Variants in HNF4A observed in about 807,000 individuals in gnomAD.
The protein encoded by HNF4A is hepatocyte nuclear factor 4 alpha.
In HNF4A, 15 loss-of-function variants were observed where a neutral mutation model predicts 52.4. That is an observed-to-expected ratio of 0.29 (90% confidence interval 0.19 to 0.44). HNF4A has a LOEUF of 0.44. Ranked by LOEUF, HNF4A falls within the 20% of genes least tolerant of loss-of-function variation. HNF4A has a pLI of 1.00. For missense variants in HNF4A, 479 were observed against 647.2 expected (o/e 0.74, Z 2.82); for synonymous variants, 280 against 264.4 (o/e 1.06, Z -0.57).
chr20:44,406,282 T>A (rs1417653638), intron 2 of HNF4A, 50 bp downstream of exon 2: 1 of 1,556,406 alleles, frequency 6.4e-7, no homozygotes, highest in African/African-American at 1.4e-5. Flanking sequence ...CTTGGGCTCA[T>A]GGCCCCAAGG....
In HNF4A at chr20:44,414,503, G is replaced by C. The variant is rs146751799; in HGVS notation, c.493-4G>C. 2.9e-5 allele frequency: 47 copies of C among 1,614,226 alleles called. No individual in the cohort carries two copies. Among genetic ancestry groups the C allele is most frequent in the Non-Finnish European group, 4.0e-5 (47 of 1,180,040 alleles). ...CAGCATTTTCTTCCCTGTATCTCTC[G>C]AAGATCACCTCCCCCGTCTCCGGGA... is the stretch of plus-strand genomic sequence containing the variant. On this transcript the variant is annotated splice_region_variant and splice_polypyrimidine_tract_variant and intron_variant, in intron 4 of 9. Transcript: ENST00000316099.
chr20:44,387,095 G>A (rs1374256159), intron 1 of HNF4A, among the ~76,000 whole-genome samples: 1 of 151,944 alleles, frequency 6.6e-6, no homozygotes, highest in Non-Finnish European at 1.5e-5. Flanking sequence ...CTGAGGTCAG[G>A]AGTTTGAGAT....
intron 1 of HNF4A, among the ~76,000 whole-genome samples, chr20:44,365,292 C>T (rs754754293): frequency 1.3e-5 from 2 of 152,088 alleles, no homozygotes; most frequent in Non-Finnish European, 2.9e-5. Context: ...TCTAAGCCTC[C>T]CAAGTAGCTG....
intron 5 of HNF4A, among the ~76,000 whole-genome samples, chr20:44,416,333 G>A (rs914364773): frequency 6.6e-6 from 1 of 152,252 alleles, no homozygotes; most frequent in Non-Finnish European, 1.5e-5. Context: ...TTCCCAGTTG[G>A]TGTGCTTCTT....
intron 1 of HNF4A, among the ~76,000 whole-genome samples, chr20:44,358,053 G>A (rs2062876595): frequency 6.7e-6 from 1 of 149,666 alleles, no homozygotes; most frequent in South Asian, 2.2e-4. Context: ...GTGTATGTGT[G>A]TGAGAGTGGC....
intron 1 of HNF4A, among the ~76,000 whole-genome samples, chr20:44,369,317 G>A (rs1238721853): frequency 6.7e-6 from 1 of 148,370 alleles, no homozygotes; most frequent in Non-Finnish European, 1.5e-5. Flanking sequence ...TGTAATCCTG[G>A]CATTTTGGGA....
chr20:44,395,563 G>C (rs2063345745), intron 1 of HNF4A: 1 of 152,258 alleles, frequency 6.6e-6, no homozygotes, highest in African/African-American at 2.4e-5. Context: ...TGCAGGGACA[G>C]CCTAGCAGAG....
intron 1 of HNF4A, among the ~76,000 whole-genome samples, chr20:44,389,451 C>T (rs912159248): frequency 2.6e-5 from 4 of 152,134 alleles, no homozygotes; most frequent in Admixed American, 6.5e-5. Context: ...CTCATACTAA[C>T]GAAGTATTTC....
rs901476819 is a variant in HNF4A, at chr20:44,431,341, T to C, written c.*1676T>C. ...GATTGGCCTGAGGCTGCACTAAAAT[T>C]CACTTAGGGTCGAGCATCCTGTTTG... On this transcript the variant is annotated 3_prime_UTR_variant, in exon 10 of 10. Coordinates refer to ENST00000316099, the MANE Select transcript of HNF4A (RefSeq NM_000457.6). The C allele has an allele frequency of 6.6e-6, 1 of 152,274 alleles. No individual in the cohort carries two copies. Among genetic ancestry groups the C allele is most frequent in the Non-Finnish European group, 1.5e-5 (1 of 68,030 alleles). The allele number at this position is 152,274 out of a possible 1,614,324, so 9.4% of individuals were successfully genotyped here.
chr20:44,398,697 T>G (rs905564653), upstream of HNF4A, among the ~76,000 whole-genome samples: 1 of 152,222 alleles, frequency 6.6e-6, no homozygotes, highest in Non-Finnish European at 1.5e-5. Context: ...AAGTCAGGTA[T>G]GTCATGATTC....
rs750703108 is a variant in HNF4A at position 44,401,424 on chromosome 20, G to A, written c.52G>A (p.Ala18Thr). Residue 18 changes from alanine (A) to threonine (T), a missense_variant, in exon 1 of 10, where the codon GCA becomes ACA. Around this residue, in one of 3 missense-constraint regions of HNF4A, gnomAD observed 90 missense variants for 105.5 expected, o/e 0.85. Transcript: ENST00000316099. ...CATGGACATGGCCGACTACAGTGCT[G>A]CACTGGACCCAGCCTACACCACCCT... 4.3e-6 allele frequency: 7 copies of A among 1,614,096 alleles called. No homozygotes were observed. The African/African-American group carries it at 5.3e-5, about 12-fold the overall frequency.
intron 1 of HNF4A, among the ~76,000 whole-genome samples, chr20:44,394,200 G>A (rs541657170): frequency 6.6e-6 from 1 of 152,124 alleles, no homozygotes. Context: ...TTGCAGAGCC[G>A]TCTTGTTCAC....
At chr20:44,374,196 T>C (rs532531561) in intron 1 of HNF4A, among the ~76,000 whole-genome samples, 3 of 152,330 alleles carry the variant, frequency 2.0e-5, no homozygotes, top group East Asian at 1.9e-4. Context: ...GTGTACCCAA[T>C]GTTTAGCTTC....
intron 1 of HNF4A, among the ~76,000 whole-genome samples, chr20:44,356,927 C>T (rs544445088): frequency 3.9e-5 from 6 of 152,268 alleles, no homozygotes; most frequent in Admixed American, 6.5e-5. Flanking sequence ...ATTCACGTGC[C>T]TCTTGCTTTC....
chr20:44,377,099 A>G (rs2063093679), intron 1 of HNF4A, among the ~76,000 whole-genome samples: 1 of 152,176 alleles, frequency 6.6e-6, no homozygotes, highest in Non-Finnish European at 1.5e-5. Context: ...GAAGTACTAT[A>G]CAGTCATAAA....
intron 1 of HNF4A, among the ~76,000 whole-genome samples, chr20:44,385,943 T>C (rs2063217212): frequency 6.6e-6 from 1 of 151,918 alleles, no homozygotes; most frequent in Non-Finnish European, 1.5e-5. Flanking sequence ...CACTGGAACC[T>C]CCACCTCCCA....
rs112361002 is a variant in HNF4A, at chr20:44,363,148, G to A, written c.49+7295G>A. On this transcript the variant is annotated intron_variant, in intron 1 of 9. Transcript: ENST00000316673. ...TGGGATTACAGGCCTGAGCCACTGC[G>A]CCCGGCCGACCCAATCTTTTTTGCC... Among the ~76,000 whole-genome samples the A allele has an allele frequency of 6.8e-3, 1,036 of 152,098 alleles. 21 individuals are homozygous for A. Among genetic ancestry groups the A allele is most frequent in the African/African-American group, 0.024 (1,001 of 41,480 alleles).
chr20:44,404,264 C>G (rs1226921470), intron 1 of HNF4A, among the ~76,000 whole-genome samples: 1 of 152,144 alleles, frequency 6.6e-6, no homozygotes, highest in Non-Finnish European at 1.5e-5. Context: ...ATCACGTTCC[C>G]CATTTTACAA....
chr20:44,383,131 C>T (rs1434153246), intron 1 of HNF4A, among the ~76,000 whole-genome samples: 1 of 152,152 alleles, frequency 6.6e-6, no homozygotes, highest in East Asian at 1.9e-4. Flanking sequence ...GATGGCGCCA[C>T]TGCACTCCAG....
Sources: gnomAD v4.1 joint callset for allele counts (sites outside exome capture counted in the v4.1 genomes callset) on GRCh38, gnomAD v4.1.1 for gene constraint, gnomAD v4.1.1 regional missense constraint, MANE v1.5 for transcripts, NCBI Gene and HGNC (gene_info 2026-07-23, HGNC 2026-07-21) for gene names.